Variants in LIAS observed in about 807,000 individuals in gnomAD.
LIAS encodes lipoyl synthase, mitochondrial.
LIAS carries 36 observed loss-of-function variants against 49.4 expected under a neutral mutation model. The ratio of observed to expected loss-of-function variants is 0.73; its 90% CI spans 0.56 to 0.96. The LOEUF is 0.96. LIAS is among the 40% of genes least tolerant of loss of function. The pLI is 0.00. For missense variants in LIAS, 399 were observed against 456.3 expected (o/e 0.87, Z 1.14); for synonymous variants, 145 against 155.8 (o/e 0.93, Z 0.52).
chr4:39,459,154 G>A lies in LIAS; in HGVS notation c.37G>A (p.Gly13Arg), dbSNP rs1320749254. Reference protein sequence around the residue: ...LRCGDAARTLGPRVFGRYFCS... With the variant: ...LRCGDAARTLRPRVFGRYFCS... Reference sequence around the variant, plus strand: ...CTGCGGGGATGCAGCCCGCACCCTGGGGCCCCGGGTGAGCGGCGGGGCGAA... The same window carrying A: ...CTGCGGGGATGCAGCCCGCACCCTGAGGCCCCGGGTGAGCGGCGGGGCGAA... Residue 13 changes from glycine to arginine, a missense_variant, in exon 1 of 11, where the codon GGG (glycine) becomes AGG (arginine). Around this residue, in one of 3 missense-constraint regions of LIAS, gnomAD observed 159 missense variants for 147.6 expected, o/e 1.08. Coordinates refer to ENST00000640888, the MANE Select transcript of LIAS (RefSeq NM_006859.4). 9.3e-6 allele frequency: 15 copies of A among 1,613,212 alleles called. No individual in the cohort carries two copies. The highest frequency in any genetic ancestry group is 1.3e-5 in the Non-Finnish European group (15 of 1,179,984).
At chr4:39,460,756 A>G in intron 1 of LIAS, 34 bp from the exon 2 acceptor site, 5 of 1,516,156 alleles carry the variant, frequency 3.3e-6, no homozygotes, top group Non-Finnish European at 4.4e-6. Flanking sequence ...TACGGACTCC[A>G]CTAAATAAAC....
At chr4:39,474,291 G>A (rs895600185) in intron 10 of LIAS, among the ~76,000 whole-genome samples, 1 of 148,868 alleles carries the variant, frequency 6.7e-6, no homozygotes, top group Non-Finnish European at 1.5e-5. Context: ...AGAATAAATA[G>A]GCCAGGCAAG....
In LIAS at chr4:39,467,596, A is replaced by G; in HGVS notation, c.687A>G (p.Ser229=). ...DLKAIEKVAL[S]GLDVYAHNVE... is the part of the protein sequence containing the mutation. The stretch of plus-strand genomic sequence containing the variant: ...AAGCAATAGAAAAAGTTGCTCTGTC[A>G]GGATTAGATGTGTATGCACATAATG... The change falls in exon 7 of 11, where the codon TCA becomes TCG. Residue 229 remains serine, a synonymous_variant. Coordinates refer to ENST00000640888, the MANE Select transcript of LIAS (RefSeq NM_006859.4). The G allele has an allele frequency of 6.2e-7, 1 of 1,607,480 alleles. No individual in the cohort carries two copies. The highest frequency in any genetic ancestry group is 8.5e-7 in the Non-Finnish European group (1 of 1,176,758).
At chr4:39,460,737 C>T (rs1744439625) in intron 1 of LIAS, 53 bp from the exon 2 acceptor site, 3 of 1,456,064 alleles carry the variant, frequency 2.1e-6, no homozygotes, top group Admixed American at 2.4e-5. Context: ...TGGGTTAAAA[C>T]TAAATTATTA....
At chr4:39,459,508 A>C (rs1744332395) in intron 1 of LIAS, among the ~76,000 whole-genome samples, 1 of 152,192 alleles carries the variant, frequency 6.6e-6, no homozygotes, top group African/African-American at 2.4e-5. Context: ...AGCCGCAGAG[A>C]ACACAAACCT....
At chr4:39,462,375 T>C (rs527754089) in intron 3 of LIAS, 86 bp downstream of exon 3, 61 of 421,348 alleles carry the variant, frequency 1.4e-4, no homozygotes, top group Non-Finnish European at 2.4e-4. Flanking sequence ...AATAAATATA[T>C]AAATAATAGC....
chr4:39,469,930 G>A, intron 7 of LIAS, 89 bp from the exon 8 acceptor site: 2 of 1,171,958 alleles, frequency 1.7e-6, no homozygotes, highest in South Asian at 1.5e-5. Context: ...TGTGCAGAAT[G>A]TACTTCTCTG....
intron 10 of LIAS, chr4:39,473,468 C>T (rs1745067465): frequency 3.5e-6 from 1 of 287,628 alleles, no homozygotes; most frequent in African/African-American, 2.2e-5. Context: ...AAAGCAGAAA[C>T]AATTAGTTTA....
chr4:39,463,685 A>G (rs1744638531), intron 4 of LIAS, 80 bp downstream of exon 4: 1 of 1,486,532 alleles, frequency 6.7e-7, no homozygotes, highest in Non-Finnish European at 9.0e-7. Context: ...AAAAATGTGC[A>G]TTATGAATCT....
rs772884023 is a variant in LIAS at position 39,467,505 on chromosome 4, C to T, written c.609-13C>T. On this transcript the variant is annotated splice_polypyrimidine_tract_variant and intron_variant, in intron 6 of 10. Coordinates refer to ENST00000640888, the MANE Select transcript of LIAS (RefSeq NM_006859.4). The stretch of plus-strand genomic sequence containing the variant: ...CTTTCTCTCTGTTTGATAATTCTCT[C>T]TTTTCCCCTTAGGAATCCAAAAATC... 1.9e-6 allele frequency: 3 copies of T among 1,570,052 alleles called. No individual in the cohort carries two copies. Among genetic ancestry groups the T allele is most frequent in the Non-Finnish European group, 2.6e-6 (3 of 1,159,712 alleles).
At chr4:39,464,545 G>A (rs1457087077) in intron 4 of LIAS, among the ~76,000 whole-genome samples, 1 of 152,052 alleles carries the variant, frequency 6.6e-6, no homozygotes, top group Non-Finnish European at 1.5e-5. Context: ...CACCCAGGCT[G>A]GAGTGCAGTG....
chr4:39,465,125 G>C lies in LIAS; in HGVS notation c.473G>C (p.Ser158Thr), dbSNP rs751421705. 45 of 1,614,132 alleles carry C rather than the reference G, an allele frequency of 2.8e-5. No individual in the cohort carries two copies. The highest frequency in any genetic ancestry group is 3.8e-5 in the Non-Finnish European group (45 of 1,180,044). The change falls in exon 5 of 11, where the codon AGT becomes ACT. Residue 158 changes from serine (S) to threonine (T), a missense_variant. Physicochemically the swap from Ser to Thr is moderately conservative, Grantham distance 58. Coordinates refer to ENST00000640888, the MANE Select transcript of LIAS (RefSeq NM_006859.4). Reference protein sequence around the residue: ...TARNPPPLDASEPYNTAKAIA... With the variant: ...TARNPPPLDATEPYNTAKAIA... ...AGAAATCCTCCTCCACTGGATGCCA[G>C]TGAGCCCTACAATACTGCAAAGGCA... is the stretch of plus-strand genomic sequence containing the variant.
chr4:39,459,738 A>C (rs913111557), intron 1 of LIAS, among the ~76,000 whole-genome samples: 6 of 152,216 alleles, frequency 3.9e-5, no homozygotes, highest in Non-Finnish European at 8.8e-5. Flanking sequence ...CACAGAAACA[A>C]TGTAACCTAG....
rs147764056 is a variant in LIAS at position 39,477,196 on chromosome 4, G to A, written c.*81G>A. On this transcript the variant is annotated 3_prime_UTR_variant, in exon 11 of 11. Coordinates refer to ENST00000640888, the MANE Select transcript of LIAS (RefSeq NM_006859.4). ...TAACAGAGGTGGTGCCAGAATGCCT[G>A]GACTGCAGTGGATGTGCCCCACCTC... 1.9e-4 allele frequency: 199 copies of A among 1,038,352 alleles called. No homozygotes were observed. In the East Asian group the frequency reaches 4.0e-3, roughly 21 times the overall value. 64.3% of individuals were successfully genotyped at this position (1,038,352 alleles called of 1,614,324 possible). A position where few individuals can be genotyped will look rare whatever the true frequency, so the allele number is the denominator to read the frequency against.
chr4:39,478,399 G>T lies in LIAS; in HGVS notation c.*1284G>T, dbSNP rs1358018169. 3 of 152,302 alleles carry T rather than the reference G, an allele frequency of 2.0e-5. 1 individual carries two copies. The highest frequency in any genetic ancestry group is 4.1e-4 in the South Asian group (2 of 4,824). The allele number at this position is 152,302 out of a possible 1,614,324, so 9.4% of individuals were successfully genotyped here. A position where few individuals can be genotyped will look rare whatever the true frequency, so the allele number is the denominator to read the frequency against. On this transcript the variant is annotated 3_prime_UTR_variant, in exon 11 of 11. Coordinates refer to ENST00000640888, the MANE Select transcript of LIAS (RefSeq NM_006859.4). ...GGTGCCTGTAATCCCAGCTACTTGGGAGGCTGAGGCACGAGAATTACTTGA... is the reference window on the plus strand; with the variant it reads ...GGTGCCTGTAATCCCAGCTACTTGGTAGGCTGAGGCACGAGAATTACTTGA...
intron 9 of LIAS, among the ~76,000 whole-genome samples, chr4:39,472,465 A>G (rs762953159): frequency 1.3e-5 from 2 of 152,312 alleles, no homozygotes; most frequent in Non-Finnish European, 2.9e-5. Flanking sequence ...CTACGTTTGC[A>G]CATATTTGCT....
At position 39,470,060 on chromosome 4, in the gene LIAS, G is replaced by A. The variant is rs367701436; in HGVS notation, c.779G>A (p.Arg260His). The change falls in exon 8 of 11, where the codon CGT becomes CAT. Residue 260 changes from arginine to histidine, a missense_variant. This residue lies in a region of LIAS where 234 missense variants were observed against 292.2 expected (regional missense o/e 0.80). Transcript: ENST00000640888. Reference sequence around the variant, plus strand: ...CGGGCCAATTTTGATCAGTCCCTACGTGTACTGAAACATGCCAAGAAGGTT... The same window carrying A: ...CGGGCCAATTTTGATCAGTCCCTACATGTACTGAAACATGCCAAGAAGGTT... ...DPRANFDQSL[R>H]VLKHAKKVQP... is the part of the protein sequence containing the mutation. The A allele has an allele frequency of 1.2e-5, 20 of 1,613,734 alleles. No homozygotes were observed. The highest frequency in any genetic ancestry group is 1.6e-4 in the Middle Eastern group (1 of 6,084).
intron 7 of LIAS, 41 bp from the exon 8 acceptor site, chr4:39,469,968 TACTTGGTTGA>T (rs1314702195): frequency 1.3e-6 from 2 of 1,568,124 alleles, no homozygotes; most frequent in African/African-American, 2.7e-5. Context: ...CATAACTATG[TACTTGGTTGA>T]ACTTGTAATT....
intron 8 of LIAS, 32 bp downstream of exon 8, chr4:39,470,196 C>T (rs762207717): frequency 1.3e-6 from 2 of 1,584,980 alleles, no homozygotes; most frequent in Non-Finnish European, 1.7e-6. Context: ...AAATCTTTCC[C>T]ATGTAATTTG....
Sources: allele counts gnomAD v4.1 joint callset (sites outside exome capture counted in the v4.1 genomes callset), GRCh38; gene constraint gnomAD v4.1.1; regional missense constraint gnomAD v4.1.1; transcripts MANE v1.5; gene names NCBI Gene and HGNC (gene_info 2026-07-23, HGNC 2026-07-21).